The following KCNIP4 variants were observed in gnomAD, a reference collection of about 807,000 sequenced individuals.
The protein encoded by KCNIP4 is potassium voltage-gated channel interacting protein 4.
A neutral mutation model predicts 34.0 loss-of-function variants in KCNIP4; 12 were observed. That is an observed-to-expected ratio of 0.35 (90% CI 0.23 to 0.57). The LOEUF is 0.57. Among genes scored for constraint, KCNIP4 ranks in the 20% least tolerant of loss-of-function variants. The pLI is 0.83. For synonymous variants in KCNIP4, 124 were observed against 102.2 expected, an observed-to-expected ratio of 1.21 and a Z score of -1.29; for missense variants, 238 against 311.7, an observed-to-expected ratio of 0.76 and a Z score of 1.78.
chr4:21,102,260 G>T (rs928434134), intron 1 of KCNIP4, among the ~76,000 whole-genome samples: 3 of 152,112 alleles, frequency 2.0e-5, no homozygotes, highest in Non-Finnish European at 4.4e-5. Context: ...AATCAGTTGG[G>T]TGACTGGTGA....
intron 2 of KCNIP4, among the ~76,000 whole-genome samples, chr4:20,862,240 C>G (rs548316252): frequency 6.6e-6 from 1 of 152,192 alleles, no homozygotes; most frequent in African/African-American, 2.4e-5. Flanking sequence ...CCACCTGCCT[C>G]TGCCTCCCAA....
intron 1 of KCNIP4, among the ~76,000 whole-genome samples, chr4:21,569,263 A>AAAAAAAAAAAAAAAAT (rs1740169519): frequency 7.5e-6 from 1 of 133,122 alleles, no homozygotes; most frequent in African/African-American, 2.8e-5. Context: ...AAAAAAAAAA[A>AAAAAAAAAAAAAAAAT]AAGCTTGATT....
At chr4:21,463,344 G>A (rs150303149) in intron 1 of KCNIP4, among the ~76,000 whole-genome samples, 1,856 of 151,770 alleles carry the variant, frequency 0.012, 17 homozygotes, top group Middle Eastern at 0.017. Flanking sequence ...CAGGTCTTTC[G>A]CCTATTTTTA....
At chr4:21,180,591 TG>T (rs1174951592) in intron 1 of KCNIP4, among the ~76,000 whole-genome samples, 1 of 151,738 alleles carries the variant, frequency 6.6e-6, no homozygotes, top group East Asian at 1.9e-4. Context: ...TTTCATTATC[TG>T]GGTTAAACAA....
Position 20,864,059 on chromosome 4 carries a change from CATGTATGTATACGT to C in KCNIP4, c.164-13406_164-13393del, listed in dbSNP as rs1287491255. Among the ~76,000 whole-genome samples, 11 of 127,884 alleles carry C rather than the reference CATGTATGTATACGT, an allele frequency of 8.6e-5. No individual in the cohort carries two copies. In the East Asian group the frequency reaches 1.7e-3, roughly 19 times the overall value. 83.9% of individuals were successfully genotyped at this position (127,884 alleles called of 152,430 possible). The stretch of plus-strand genomic sequence containing the variant: ...GTATGTATACGCATGTATGTATACA[CATGTATGTATACGT>C]ATGTATGTATGTATATGCATGTATA... On this transcript the variant is annotated intron_variant, in intron 2 of 8. Coordinates refer to ENST00000382152, the MANE Select transcript of KCNIP4 (RefSeq NM_025221.6).
At chr4:20,917,402 TTC>T (rs1175181260) in intron 1 of KCNIP4, among the ~76,000 whole-genome samples, 2 of 152,020 alleles carry the variant, frequency 1.3e-5, no homozygotes, top group African/African-American at 4.8e-5. Flanking sequence ...TTATTTAAAT[TTC>T]TCTGTTTTAT....
At chr4:21,653,597 C>T (rs1747681397) in intron 1 of KCNIP4, among the ~76,000 whole-genome samples, 2 of 152,190 alleles carry the variant, frequency 1.3e-5, no homozygotes, top group Non-Finnish European at 2.9e-5. Flanking sequence ...TGCTAGTTTA[C>T]ATGTTGTAGA....
Position 21,372,239 on chromosome 4 carries a change from G to T in KCNIP4, c.62-489530C>A, listed in dbSNP as rs140508340. On this transcript the variant is annotated intron_variant, in intron 1 of 8. Transcript: ENST00000382152. ...ATCTCACCTATCATGAGAGCAGATTGCTACTTATGTATCCATTTATAATTT... is the reference window on the plus strand; with the variant it reads ...ATCTCACCTATCATGAGAGCAGATTTCTACTTATGTATCCATTTATAATTT... 2.0e-3 allele frequency among the ~76,000 whole-genome samples: 296 copies of T among 147,212 alleles called. 55 individuals carry two copies. Among genetic ancestry groups the T allele is most frequent in the African/African-American group, 7.8e-3 (289 of 36,906 alleles).
intron 1 of KCNIP4, among the ~76,000 whole-genome samples, chr4:21,453,340 G>A (rs1210248670): frequency 7.2e-5 from 11 of 152,072 alleles, no homozygotes; most frequent in Admixed American, 7.2e-4. Flanking sequence ...AGAAGGTCTT[G>A]TACCTAGTGA....
intron 1 of KCNIP4, chr4:21,762,976 G>T (rs546094155): frequency 7.8e-7 from 1 of 1,288,902 alleles, no homozygotes; most frequent in Admixed American, 2.3e-5. Flanking sequence ...ACCACTGGGT[G>T]TAAGTCTTCT....
chr4:21,927,098 C>T (rs1206951694), intron 1 of KCNIP4, among the ~76,000 whole-genome samples: 1 of 152,034 alleles, frequency 6.6e-6, no homozygotes, highest in Non-Finnish European at 1.5e-5. Context: ...GCCTGTGTTC[C>T]CCTTCTATCT....
chr4:21,101,625 A>G (rs1350970845), intron 1 of KCNIP4, among the ~76,000 whole-genome samples: 5 of 152,172 alleles, frequency 3.3e-5, no homozygotes, highest in Non-Finnish European at 7.3e-5. Flanking sequence ...CTATATGCAC[A>G]TGAGATTTCT....
At chr4:20,893,060 C>A (rs1726113266) in intron 1 of KCNIP4, among the ~76,000 whole-genome samples, 1 of 152,078 alleles carries the variant, frequency 6.6e-6, no homozygotes, top group African/African-American at 2.4e-5. Flanking sequence ...ATAGTCTGCA[C>A]CCCCTTTTCA....
At chr4:21,275,907 C>G (rs980768694) in intron 1 of KCNIP4, among the ~76,000 whole-genome samples, 2 of 152,120 alleles carry the variant, frequency 1.3e-5, no homozygotes, top group African/African-American at 4.8e-5. Flanking sequence ...GAAGAATTGT[C>G]TTGGGCCAGA....
intron 1 of KCNIP4, among the ~76,000 whole-genome samples, chr4:21,262,946 A>T (rs1761567177): frequency 6.6e-6 from 1 of 152,216 alleles, no homozygotes; most frequent in Non-Finnish European, 1.5e-5. Flanking sequence ...TGGACATAGT[A>T]GTTGCCTAAC....
At chr4:21,518,849 C>T (rs1266936266) in intron 1 of KCNIP4, among the ~76,000 whole-genome samples, 2 of 152,072 alleles carry the variant, frequency 1.3e-5, no homozygotes, top group African/African-American at 2.4e-5. Flanking sequence ...TGGAGCCCAA[C>T]AGGAGAGAGT....
intron 1 of KCNIP4, among the ~76,000 whole-genome samples, chr4:21,298,800 T>C (rs1437463701): frequency 9.9e-5 from 15 of 152,190 alleles, no homozygotes; most frequent in Non-Finnish European, 1.0e-4. Context: ...GCTTGTTAAA[T>C]AATGTAAGTG....
chr4:21,015,573 T>C (rs1214122147), intron 1 of KCNIP4, among the ~76,000 whole-genome samples: 1 of 114,538 alleles, frequency 8.7e-6, no homozygotes, highest in Non-Finnish European at 1.7e-5. Flanking sequence ...TAGTATATTG[T>C]ATTAATATAA....
chr4:20,734,864 T>C (rs985057748), intron 5 of KCNIP4, 129 bp from the exon 6 acceptor site: 2 of 503,148 alleles, frequency 4.0e-6, no homozygotes, highest in Non-Finnish European at 3.5e-6. Flanking sequence ...TGATGTGTTA[T>C]TGGTTGTCTA....
Sources: allele counts gnomAD v4.1 joint callset (sites outside exome capture counted in the v4.1 genomes callset), GRCh38; gene constraint gnomAD v4.1.1; transcripts MANE v1.5; gene names NCBI Gene and HGNC (gene_info 2026-07-23, HGNC 2026-07-21).